Variants in RRAS2 observed in about 807,000 individuals in gnomAD.
The protein encoded by RRAS2 is RAS related 2.
In RRAS2, 7 loss-of-function variants were observed where a neutral mutation model predicts 27.6. That is an observed-to-expected ratio of 0.25 (90% CI 0.14 to 0.48). The LOEUF is 0.48. RRAS2 is among the 20% of genes least tolerant of loss of function. The pLI is 0.99. For missense variants in RRAS2, 178 were observed against 256.2 expected (o/e 0.69, Z 2.08); for synonymous variants, 86 against 90.9 (o/e 0.95, Z 0.31).
Position 14,289,758 on chromosome 11 carries a change from T to C in RRAS2, c.408+4713A>G, listed in dbSNP as rs138977067. Among the ~76,000 whole-genome samples, 45 of 152,260 alleles carry C rather than the reference T, an allele frequency of 3.0e-4. 1 individual carries two copies. In the East Asian group the frequency reaches 8.5e-3, roughly 29 times the overall value. On this transcript the variant is annotated intron_variant, in intron 4 of 5. Transcript: ENST00000256196. ...ACCCAGTCCACAGATACAGAGGCCA[T>C]AAGCAAGCAAGCAAAGCCTCTTCTG...
chr11:14,358,120 C>T lies in RRAS2; in HGVS notation c.108+643G>A. 1.5e-6 allele frequency: 1 copy of T among 669,736 alleles called. No individual in the cohort carries two copies. The highest frequency in any genetic ancestry group is 1.8e-6 in the Non-Finnish European group (1 of 541,462). 41.5% of individuals were successfully genotyped at this position (669,736 alleles called of 1,614,324 possible). A position where few individuals can be genotyped will look rare whatever the true frequency, so the allele number is the denominator to read the frequency against. ...CAGGAATTCCTAGGAAATGGTCTCA[C>T]CCCATCAGAGAACATTTTTAACTTC... On this transcript the variant is annotated intron_variant, in intron 1 of 5. Coordinates refer to ENST00000256196, the MANE Select transcript of RRAS2 (RefSeq NM_012250.6). This position sits in a 1 kb window ranked among gnomAD's most constrained non-coding sequence, Gnocchi z 5.1.
At chr11:14,294,980 T>C (rs782803345) in intron 2 of RRAS2, 118 bp from the exon 3 acceptor site, 41 of 741,922 alleles carry the variant, frequency 5.5e-5, no homozygotes, top group Non-Finnish European at 8.3e-5. Flanking sequence ...AATACAGAAA[T>C]GGCATTCCTT....
intron 1 of RRAS2, among the ~76,000 whole-genome samples, chr11:14,302,891 C>T (rs984990617): frequency 2.6e-5 from 4 of 152,216 alleles, no homozygotes; most frequent in African/African-American, 9.7e-5. Context: ...CTGTGGGAAA[C>T]TAGAGTAGCT....
chr11:14,338,105 G>A (rs1848623903), intron 1 of RRAS2, among the ~76,000 whole-genome samples: 1 of 151,964 alleles, frequency 6.6e-6, no homozygotes, highest in Non-Finnish European at 1.5e-5. Context: ...GAAAATAAAG[G>A]GACATAAAGG....
At chr11:14,291,226 A>G (rs1303428258) in intron 4 of RRAS2, among the ~76,000 whole-genome samples, 1 of 152,192 alleles carries the variant, frequency 6.6e-6, no homozygotes, top group Non-Finnish European at 1.5e-5. Flanking sequence ...GAAGAAAATG[A>G]GAAAGTATGT....
chr11:14,307,898 C>T (rs1847871089), intron 1 of RRAS2, among the ~76,000 whole-genome samples: 1 of 151,792 alleles, frequency 6.6e-6, no homozygotes, highest in Admixed American at 6.6e-5. Context: ...AATTTCAATT[C>T]CAGAAACTTA....
At chr11:14,355,277 CAA>C (rs1421653807) in intron 1 of RRAS2, among the ~76,000 whole-genome samples, 2 of 152,112 alleles carry the variant, frequency 1.3e-5, no homozygotes, top group Non-Finnish European at 2.9e-5. Context: ...AGAAACTACT[CAA>C]AGTCACCTGG....
Position 14,358,287 on chromosome 11 carries a change from CG to C in RRAS2, c.108+475del, listed in dbSNP as rs1384689972. ...GCGGGCAGCTCCGGCTCAGGCGGCGCGGGGAAGCCCGGAGACCACGCGGAGC... is the reference window on the plus strand; with the variant it reads ...GCGGGCAGCTCCGGCTCAGGCGGCGCGGGAAGCCCGGAGACCACGCGGAGC... On this transcript the variant is annotated intron_variant, in intron 1 of 5. Transcript: ENST00000256196. The surrounding 1 kb of genome is among the most constrained non-coding windows in gnomAD (Gnocchi z 5.1). 4 of 985,372 alleles carry C rather than the reference CG, an allele frequency of 4.1e-6. No homozygotes were observed. Among genetic ancestry groups the C allele is most frequent in the Admixed American group, 1.2e-4 (2 of 16,276 alleles). The allele number at this position is 985,372 out of a possible 1,614,324, so 61.0% of individuals were successfully genotyped here.
chr11:14,330,880 G>C (rs116909758), intron 1 of RRAS2, among the ~76,000 whole-genome samples: 6,702 of 152,238 alleles, frequency 0.044, 189 homozygotes, highest in Non-Finnish European at 0.065. Context: ...AACAATAGGA[G>C]TAACTATAGT....
intron 1 of RRAS2, 52 bp from the exon 2 acceptor site, chr11:14,295,907 C>T: frequency 1.3e-6 from 2 of 1,526,416 alleles, no homozygotes; most frequent in Non-Finnish European, 1.8e-6. Context: ...GGCATGGTAG[C>T]TCACACCTGT....
In RRAS2 at chr11:14,358,310, G is replaced by C. The variant is rs1591495365; in HGVS notation, c.108+453C>G. The C allele has an allele frequency of 2.0e-6, 2 of 985,538 alleles. No homozygotes were observed. Among genetic ancestry groups the C allele is most frequent in the Non-Finnish European group, 2.4e-6 (2 of 830,008 alleles). The allele number at this position is 985,538 out of a possible 1,614,324, so 61.0% of individuals were successfully genotyped here. On this transcript the variant is annotated intron_variant, in intron 1 of 5. Transcript: ENST00000256196. The surrounding 1 kb of genome is among the most constrained non-coding windows in gnomAD (Gnocchi z 5.1). ...CGCGGGGAAGCCCGGAGACCACGCG[G>C]AGCCGCGGCCAAGTTGCCACCGCTA...
At chr11:14,339,778 G>T (rs532459924) in intron 1 of RRAS2, among the ~76,000 whole-genome samples, 36 of 152,194 alleles carry the variant, frequency 2.4e-4, no homozygotes, top group African/African-American at 8.7e-4. Context: ...TAAATGTACT[G>T]GTTCCCCTTA....
chr11:14,343,939 G>A (rs1262207434), intron 1 of RRAS2, among the ~76,000 whole-genome samples: 15 of 151,730 alleles, frequency 9.9e-5, no homozygotes, highest in Non-Finnish European at 1.5e-4. Context: ...CCAGGAGTTC[G>A]AGAGCAGCCT....
chr11:14,329,492 G>C (rs1310968646), intron 1 of RRAS2, among the ~76,000 whole-genome samples: 1 of 152,144 alleles, frequency 6.6e-6, no homozygotes, highest in Non-Finnish European at 1.5e-5. Context: ...CGCATACACA[G>C]ATACCTTTTC....
Position 14,331,147 on chromosome 11 carries a change from A to T in RRAS2, c.108+27616T>A, listed in dbSNP as rs914013682. On this transcript the variant is annotated intron_variant, in intron 1 of 5. Coordinates refer to ENST00000256196, the MANE Select transcript of RRAS2 (RefSeq NM_012250.6). ...GGGAGAATATGAAGATGAACATACT[A>T]CCCAATTCATCTTTCAAGTCAAATA... Among the ~76,000 whole-genome samples the T allele has an allele frequency of 3.9e-5, 6 of 152,168 alleles. No homozygotes were observed. In the East Asian group the frequency reaches 1.2e-3, roughly 29 times the overall value.
rs1443284785 is a variant in RRAS2, at chr11:14,345,584, T to G, written c.108+13179A>C. On this transcript the variant is annotated intron_variant, in intron 1 of 5. Transcript: ENST00000256196. ...GAAGGAAAAAGGGATCGTTTTCTAA[T>G]CCATAACCTTCTTTTAAGAATACAC... is the stretch of plus-strand genomic sequence containing the variant. Among the ~76,000 whole-genome samples, 4 of 152,164 alleles carry G rather than the reference T, an allele frequency of 2.6e-5. No homozygotes were observed. The East Asian group carries it at 7.7e-4, about 29-fold the overall frequency.
At position 14,364,480 on chromosome 11, in the gene RRAS2, C is replaced by T. The variant is rs993148057; in HGVS notation, c.-213G>A. 7.3e-5 allele frequency: 87 copies of T among 1,191,262 alleles called. 1 individual carries two copies. In the South Asian group the frequency reaches 9.6e-4, roughly 13 times the overall value. The allele number at this position is 1,191,262 out of a possible 1,614,324, so 73.8% of individuals were successfully genotyped here. ...AATGGCTGGCAGAGAATGAAACCGC[C>T]CAGCAGGAGCTGCATGCATCTGAGA... On this transcript the variant is annotated 5_prime_UTR_variant, in exon 1 of 6. Transcript: ENST00000529237.
Position 14,359,029 on chromosome 11 carries a change from C to G in RRAS2, c.-159G>C. 8.9e-7 allele frequency: 1 copy of G among 1,123,756 alleles called. No homozygotes were observed. The highest frequency in any genetic ancestry group is 1.1e-6 in the Non-Finnish European group (1 of 919,634). The allele number at this position is 1,123,756 out of a possible 1,614,324, so 69.6% of individuals were successfully genotyped here. The stretch of plus-strand genomic sequence containing the variant: ...TCTGGAGGGCCGGTCAGCGCGGTAG[C>G]GCGGCGCTGGGGACTGGCTGGGTAC... On this transcript the variant is annotated 5_prime_UTR_variant, in exon 1 of 6. Coordinates refer to ENST00000256196, the MANE Select transcript of RRAS2 (RefSeq NM_012250.6).
chr11:14,351,894 CAAA>C (rs35089298), intron 1 of RRAS2, among the ~76,000 whole-genome samples: 4 of 113,340 alleles, frequency 3.5e-5, no homozygotes, highest in African/African-American at 1.0e-4. Context: ...GACTCCGTCT[CAAA>C]AAAAAAAAAA....
Sources: gnomAD v4.1 joint callset for allele counts (sites outside exome capture counted in the v4.1 genomes callset) on GRCh38, gnomAD v4.1.1 for gene constraint, Gnocchi (gnomAD v3.1) non-coding constraint, MANE v1.5 for transcripts, NCBI Gene and HGNC (gene_info 2026-07-23, HGNC 2026-07-21) for gene names.